Variants in ADK observed in about 807,000 individuals in gnomAD.
ADK encodes the protein adenosine kinase.
ADK carries 24 observed loss-of-function variants against 44.7 expected under a neutral mutation model. That is an observed-to-expected ratio of 0.54 (90% CI 0.39 to 0.76). The LOEUF (loss-of-function observed/expected upper bound fraction) is 0.76. ADK is among the 30% of genes least tolerant of loss of function. ADK has a pLI of 0.00. For synonymous variants in ADK, 128 were observed against 142.6 expected (o/e 0.90, Z 0.73); for missense variants, 321 against 425.1 (o/e 0.76, Z 2.15).
At chr10:74,162,819 A>G (rs1178334265) in intron 1 of ADK, among the ~76,000 whole-genome samples, 1 of 152,084 alleles carries the variant, frequency 6.6e-6, no homozygotes, top group African/African-American at 2.4e-5. Context: ...CTGGGATTAC[A>G]GGTGTGAGCT....
chr10:74,339,060 C>T (rs573049719), intron 4 of ADK, among the ~76,000 whole-genome samples: 1 of 152,168 alleles, frequency 6.6e-6, no homozygotes, highest in Non-Finnish European at 1.5e-5. Flanking sequence ...TCAAGGGATT[C>T]TCCTGCTTCC....
chr10:74,280,314 G>C (rs1048026552), intron 3 of ADK, among the ~76,000 whole-genome samples: 2 of 151,952 alleles, frequency 1.3e-5, no homozygotes, highest in Non-Finnish European at 2.9e-5. Context: ...GTGTTAGCCA[G>C]GATGGTATGG....
intron 4 of ADK, among the ~76,000 whole-genome samples, chr10:74,361,174 G>C (rs1842325013): frequency 6.6e-6 from 1 of 152,210 alleles, no homozygotes; most frequent in Non-Finnish European, 1.5e-5. Flanking sequence ...AAAGTGTTGG[G>C]ATTACAGGCG....
chr10:74,468,972 G>T (rs1056456033), intron 6 of ADK, among the ~76,000 whole-genome samples: 3 of 150,702 alleles, frequency 2.0e-5, no homozygotes, highest in Non-Finnish European at 3.0e-5. Flanking sequence ...TGCATGTGTG[G>T]GTGTGTGTGT....
intron 3 of ADK, among the ~76,000 whole-genome samples, chr10:74,293,165 CAAAAAAAAAAAAAAAAA>C (rs59635944): frequency 1.3e-5 from 1 of 79,160 alleles, no homozygotes; most frequent in Non-Finnish European, 2.2e-5. Flanking sequence ...AACCCTGTCT[CAAAAAAAAAAAAAAAAA>C]AAAAAAAAAA....
intron 1 of ADK, among the ~76,000 whole-genome samples, chr10:74,187,906 C>T (rs11812862): frequency 0.071 from 10,785 of 152,172 alleles, 1,316 homozygotes; most frequent in African/African-American, 0.25. Flanking sequence ...CAATGCCACA[C>T]TGTCTTAATT....
chr10:74,281,383 G>A (rs1017190008), intron 3 of ADK, among the ~76,000 whole-genome samples: 1 of 152,220 alleles, frequency 6.6e-6, no homozygotes, highest in African/African-American at 2.4e-5. Context: ...TTCATTGGGG[G>A]AAGTTCCCCA....
At chr10:74,194,976 T>A (rs750835879) in intron 1 of ADK, among the ~76,000 whole-genome samples, 6 of 152,226 alleles carry the variant, frequency 3.9e-5, no homozygotes, top group Non-Finnish European at 8.8e-5. Context: ...GTAAAATATA[T>A]GTCAGTATAA....
intron 4 of ADK, chr10:74,372,002 T>G: frequency 5.1e-6 from 4 of 787,058 alleles, no homozygotes; most frequent in Non-Finnish European, 9.1e-6. Context: ...CTCTGCACTT[T>G]GTGGACATTG....
At chr10:74,650,927 A>G (rs1224399815) in intron 9 of ADK, among the ~76,000 whole-genome samples, 2 of 152,112 alleles carry the variant, frequency 1.3e-5, no homozygotes, top group Non-Finnish European at 2.9e-5. Context: ...ATTCTCAGAA[A>G]CAAAAATACT....
intron 7 of ADK, among the ~76,000 whole-genome samples, chr10:74,574,289 G>GCCT (rs1040390351): frequency 1.3e-5 from 2 of 150,990 alleles, no homozygotes; most frequent in African/African-American, 4.9e-5. Flanking sequence ...TCCTGCCTCA[G>GCCT]CCTCCCAAGT....
chr10:74,469,112 A>C (rs1173104044), intron 6 of ADK, among the ~76,000 whole-genome samples: 1 of 152,136 alleles, frequency 6.6e-6, no homozygotes, highest in Non-Finnish European at 1.5e-5. Context: ...CCAAGGCAGG[A>C]GGATTGCTTG....
chr10:74,153,977 T>C (rs912420815), intron 1 of ADK, among the ~76,000 whole-genome samples: 2 of 152,222 alleles, frequency 1.3e-5, no homozygotes, highest in African/African-American at 2.4e-5. Context: ...AAGGCACAGG[T>C]ACCATCCTCT....
chr10:74,523,144 C>T (rs1358429256), intron 6 of ADK, among the ~76,000 whole-genome samples: 1 of 152,146 alleles, frequency 6.6e-6, no homozygotes, highest in Admixed American at 6.5e-5. Context: ...AATATGTCCA[C>T]CTCATAGGTT....
chr10:74,371,655 A>G, intron 4 of ADK: 1 of 1,018,732 alleles, frequency 9.8e-7, no homozygotes. Context: ...CATCTCTATA[A>G]GGAAAAGTGA....
chr10:74,310,795 GGTTTTTCTGAA>G (rs1195098873), intron 3 of ADK, among the ~76,000 whole-genome samples: 2 of 151,820 alleles, frequency 1.3e-5, no homozygotes, highest in Non-Finnish European at 2.9e-5. Context: ...GTGTTTAACT[GGTTTTTCTGAA>G]TACGTCATGT....
chr10:74,499,645 G>A (rs903468642), intron 6 of ADK, among the ~76,000 whole-genome samples: 10 of 151,656 alleles, frequency 6.6e-5, no homozygotes, highest in Admixed American at 4.6e-4. Flanking sequence ...CAGAGATCGC[G>A]CCACTGCACT....
At chr10:74,555,510 C>T (rs1850209854) in intron 7 of ADK, among the ~76,000 whole-genome samples, 1 of 151,316 alleles carries the variant, frequency 6.6e-6, no homozygotes, top group African/African-American at 2.4e-5. Context: ...TTTTGGAAGG[C>T]CAAGGTGGAA....
intron 7 of ADK, among the ~76,000 whole-genome samples, chr10:74,563,010 C>T (rs1183606499): frequency 6.6e-6 from 1 of 152,136 alleles, no homozygotes; most frequent in Non-Finnish European, 1.5e-5. Context: ...CTACTAAATA[C>T]TCCCTAGCCA....
Sources: gnomAD v4.1 joint callset for allele counts (sites outside exome capture counted in the v4.1 genomes callset) on GRCh38, gnomAD v4.1.1 for gene constraint, MANE v1.5 for transcripts, NCBI Gene and HGNC (gene_info 2026-07-23, HGNC 2026-07-21) for gene names.